Variants in CD163L1 observed in about 807,000 individuals in gnomAD.
CD163L1 encodes the protein CD163 molecule like 1.
In CD163L1, 124 loss-of-function variants were observed where a neutral mutation model predicts 165.4. The observed-to-expected ratio is 0.75, with a 90% CI of 0.65 to 0.87. The LOEUF is 0.87. Ranked by LOEUF, CD163L1 falls within the 40% of genes least tolerant of loss-of-function variation. The probability of loss-of-function intolerance (pLI) is 0.00; values close to 1 mark genes in which losing one functional copy is unlikely to be tolerated. For synonymous variants in CD163L1, 585 were observed against 662.2 expected (o/e 0.88, Z 1.79); for missense variants, 1,525 against 1,799.9 (o/e 0.85, Z 2.76).
At position 7,443,861 on chromosome 12, in the gene CD163L1, T is replaced by C. The variant is rs184787344; in HGVS notation, c.31+236A>G. Among the ~76,000 whole-genome samples, 563 of 152,322 alleles carry C rather than the reference T, an allele frequency of 3.7e-3. 2 individuals are homozygous for C. Among genetic ancestry groups the C allele is most frequent in the Middle Eastern group, 0.024 (7 of 294 alleles). ...TTGTGTGACTTCTAATCTCCAGTCTTTATAATACATTTTCTGTTTACTTTA... is the reference window on the plus strand; with the variant it reads ...TTGTGTGACTTCTAATCTCCAGTCTCTATAATACATTTTCTGTTTACTTTA... On this transcript the variant is annotated intron_variant, in intron 1 of 19. Coordinates refer to ENST00000313599, the MANE Select transcript of CD163L1 (RefSeq NM_174941.6).
In CD163L1 at chr12:7,437,977, TC is replaced by T. The variant is rs771362456; in HGVS notation, c.124+3176del. ...TCATGACTATTTTACTTCTCCATGT[TC>T]CCCCTTCTGGTCCTTGTACTTTTAC... On this transcript the variant is annotated intron_variant, in intron 2 of 19. Transcript: ENST00000313599. Among the ~76,000 whole-genome samples, 115 of 152,218 alleles carry T rather than the reference TC, an allele frequency of 7.6e-4. 2 individuals carry two copies. The highest frequency in any genetic ancestry group is 2.7e-3 in the African/African-American group (113 of 41,554).
chr12:7,348,023 T>TA lies in CD163L1; in HGVS notation c.*25-877dup, dbSNP rs565671285. ...TTAACACATTTTCAAACCTCATTGT[T>TA]AAAAAAAGGCAAATATTTGTAGTTT... On this transcript the variant is annotated intron_variant, in intron 4 of 4. Coordinates refer to the CD163L1 transcript ENST00000539726. Among the ~76,000 whole-genome samples, 88 of 152,324 alleles carry TA rather than the reference T, an allele frequency of 5.8e-4. 3 individuals are homozygous for TA. The South Asian group carries it at 0.017, about 30-fold the overall frequency.
At chr12:7,415,791 T>A (rs1323398323) in intron 4 of CD163L1, among the ~76,000 whole-genome samples, 1 of 152,210 alleles carries the variant, frequency 6.6e-6, no homozygotes, top group African/African-American at 2.4e-5. Context: ...TTCCATGGTG[T>A]ATACGTGCCA....
At chr12:7,373,154 C>T (rs1947178213) in intron 14 of CD163L1, among the ~76,000 whole-genome samples, 166 bp downstream of exon 14, 1 of 152,020 alleles carries the variant, frequency 6.6e-6, no homozygotes, top group African/African-American at 2.4e-5. Flanking sequence ...AATACTAAAC[C>T]AAAATAATAA....
At chr12:7,390,210 G>A (rs906576122) in intron 8 of CD163L1, among the ~76,000 whole-genome samples, 9 of 151,438 alleles carry the variant, frequency 5.9e-5, no homozygotes, top group South Asian at 4.2e-4. Flanking sequence ...TGTGGTGGGC[G>A]GACAGGATGA....
chr12:7,434,256 G>GT (rs1948685020), intron 2 of CD163L1, among the ~76,000 whole-genome samples: 1 of 152,140 alleles, frequency 6.6e-6, no homozygotes, highest in African/African-American at 2.4e-5. Flanking sequence ...GTCCATGATT[G>GT]TAATATGCTA....
chr12:7,328,203 A>G, the CD163L1 span: 3 of 1,014,710 alleles, frequency 3.0e-6, no homozygotes, highest in Non-Finnish European at 4.4e-6. Context: ...ATTCAGTCTG[A>G]GTTCCATGCA....
rs142274054 is a variant in CD163L1, at chr12:7,420,415, C to G, written c.766+12001G>C. 3.5e-3 allele frequency among the ~76,000 whole-genome samples: 525 copies of G among 151,964 alleles called. 1 individual carries two copies. The highest frequency in any genetic ancestry group is 0.012 in the African/African-American group (493 of 41,460). On this transcript the variant is annotated intron_variant, in intron 4 of 19. Transcript: ENST00000313599. ...CAAAAGAAACAATCAGTAGGGCAAA[C>G]AGAAAACCCACAGAGTTGAAGAAAA...
chr12:7,398,194 A>G lies in CD163L1; in HGVS notation c.1729+70T>C. The G allele has an allele frequency of 1.4e-6, 2 of 1,417,856 alleles. No homozygotes were observed. Among genetic ancestry groups the G allele is most frequent in the Non-Finnish European group, 1.9e-6 (2 of 1,037,140 alleles). 87.8% of individuals were successfully genotyped at this position (1,417,856 alleles called of 1,614,324 possible). On this transcript the variant is annotated intron_variant, in intron 7 of 19. Coordinates refer to ENST00000313599, the MANE Select transcript of CD163L1 (RefSeq NM_174941.6). This position sits in a 1 kb window ranked among gnomAD's most constrained non-coding sequence, Gnocchi z 4.5. Reference sequence around the variant, plus strand: ...TTCCCACATGTAAGCCAGTTTATAGACCCAGAAGCCCTTCCTATGAGGAAT... The same window carrying G: ...TTCCCACATGTAAGCCAGTTTATAGGCCCAGAAGCCCTTCCTATGAGGAAT...
At chr12:7,394,990 TTGG>T (rs1348887732) in intron 8 of CD163L1, among the ~76,000 whole-genome samples, 2 of 152,148 alleles carry the variant, frequency 1.3e-5, no homozygotes, top group Non-Finnish European at 2.9e-5. Flanking sequence ...TTTTACACTG[TTGG>T]TGGGAGTGTA....
intron 2 of CD163L1, chr12:7,439,611 G>A (rs1948786560): frequency 1.2e-6 from 2 of 1,603,152 alleles, no homozygotes; most frequent in Non-Finnish European, 1.7e-6. Context: ...CGTTATTTAA[G>A]GATAGTCTCT....
the CD163L1 span, among the ~76,000 whole-genome samples, chr12:7,329,543 C>G: frequency 6.6e-6 from 1 of 151,776 alleles, no homozygotes; most frequent in African/African-American, 2.4e-5. Flanking sequence ...AAATACAAAG[C>G]TTAACATTCT....
chr12:7,361,605 C>T (rs1946893187), intron 18 of CD163L1, among the ~76,000 whole-genome samples: 1 of 152,038 alleles, frequency 6.6e-6, no homozygotes, highest in South Asian at 2.1e-4. Flanking sequence ...TAGGAAGATT[C>T]CCCGTATTCC....
chr12:7,423,002 C>T (rs1948468035), intron 4 of CD163L1, among the ~76,000 whole-genome samples: 1 of 152,048 alleles, frequency 6.6e-6, no homozygotes, highest in African/African-American at 2.4e-5. Flanking sequence ...ACAAAACTCT[C>T]CACAGCAAAT....
chr12:7,376,143 C>T (rs1947269408), intron 9 of CD163L1, 129 bp from the exon 10 acceptor site: 1 of 744,876 alleles, frequency 1.3e-6, no homozygotes, highest in South Asian at 1.9e-5. Context: ...CGTAGGGGCT[C>T]AGAGGACAAG....
rs1401844741 is a variant in CD163L1, at chr12:7,369,215, A to C, written c.4039+142T>G. 2 of 1,006,388 alleles carry C rather than the reference A, an allele frequency of 2.0e-6. No individual in the cohort carries two copies. Among genetic ancestry groups the C allele is most frequent in the Admixed American group, 4.6e-5 (2 of 43,742 alleles). The allele number at this position is 1,006,388 out of a possible 1,614,324, so 62.3% of individuals were successfully genotyped here. ...GGAACATTATCTTATTTAGTTGTGG[A>C]AAAACGTTAGTTTAACATAGCCTTT... On this transcript the variant is annotated intron_variant, in intron 15 of 19. Transcript: ENST00000313599. The surrounding 1 kb of genome is among the most constrained non-coding windows in gnomAD (Gnocchi z 4.9).
intron 4 of CD163L1, among the ~76,000 whole-genome samples, chr12:7,413,091 CAAAAAAA>C (rs111943372): frequency 6.1e-4 from 24 of 39,530 alleles, no homozygotes; most frequent in African/African-American, 1.4e-3. Context: ...GACTCCATCT[CAAAAAAA>C]AAAAAAAAAA....
rs1407896621 is a variant in CD163L1, at chr12:7,381,907, T to C, written c.2051-2609A>G. On this transcript the variant is annotated intron_variant, in intron 8 of 19. Transcript: ENST00000313599. Reference sequence around the variant, plus strand: ...GTGGAAAAACAGTTGCTGTAGGTGATTCAGCATAAAAAGGTGACATCATAT... The same window carrying C: ...GTGGAAAAACAGTTGCTGTAGGTGACTCAGCATAAAAAGGTGACATCATAT... Among the ~76,000 whole-genome samples the C allele has an allele frequency of 2.0e-5, 3 of 151,452 alleles. No individual in the cohort carries two copies. In the East Asian group the frequency reaches 5.8e-4, roughly 29 times the overall value.
chr12:7,440,060 C>A, intron 2 of CD163L1: 1 of 1,114,942 alleles, frequency 9.0e-7, no homozygotes, highest in East Asian at 2.6e-5. Context: ...GCGTTCCGCG[C>A]TCCGCCCTAC....
Sources: gnomAD v4.1 joint callset for allele counts (sites outside exome capture counted in the v4.1 genomes callset) on GRCh38, gnomAD v4.1.1 for gene constraint, Gnocchi (gnomAD v3.1) non-coding constraint, MANE v1.5 for transcripts, NCBI Gene and HGNC (gene_info 2026-07-23, HGNC 2026-07-21) for gene names.